COP1: variants seen among roughly 807,000 people sequenced by gnomAD.
COP1 encodes the protein E3 ubiquitin-protein ligase COP1.
Under a neutral mutation model 101.3 loss-of-function variants are expected in COP1, and 24 were observed. The observed-to-expected ratio is 0.24, with a 90% CI of 0.17 to 0.33. COP1 has a LOEUF of 0.33. COP1 is among the 10% of genes least tolerant of loss of function. The probability of loss-of-function intolerance (pLI) is 1.00; values close to 1 mark genes in which losing one functional copy is unlikely to be tolerated. For synonymous variants in COP1, 347 were observed against 341.9 expected (o/e 1.01, Z -0.17); for missense variants, 663 against 906.2 (o/e 0.73, Z 3.45).
chr1:176,191,947 A>G (rs762184616), intron 1 of COP1, among the ~76,000 whole-genome samples: 3 of 152,098 alleles, frequency 2.0e-5, no homozygotes, highest in Non-Finnish European at 4.4e-5. Context: ...ACAATAAAAT[A>G]TTTTTTAAAT....
intron 11 of COP1, among the ~76,000 whole-genome samples, chr1:176,075,392 G>A (rs773630337): frequency 9.2e-5 from 14 of 152,148 alleles, no homozygotes; most frequent in Non-Finnish European, 2.1e-4. Flanking sequence ...TAAATGAAAA[G>A]CATGTTAAGT....
intron 3 of COP1, among the ~76,000 whole-genome samples, chr1:176,164,506 T>A (rs1475489727): frequency 6.6e-6 from 1 of 152,132 alleles, no homozygotes; most frequent in East Asian, 1.9e-4. Flanking sequence ...TGGGGTTAAG[T>A]ACGTAACCCA....
intron 7 of COP1, 120 bp from the exon 8 acceptor site, chr1:176,135,206 T>C (rs375688154): frequency 1.2e-5 from 7 of 590,036 alleles, no homozygotes; most frequent in African/African-American, 1.1e-4. Context: ...TTTGTCTCAA[T>C]ATCAAATTTC....
intron 8 of COP1, among the ~76,000 whole-genome samples, chr1:176,122,202 G>A (rs1687257228): frequency 6.6e-6 from 1 of 150,618 alleles, no homozygotes; most frequent in African/African-American, 2.4e-5. Context: ...TCAAAACTCT[G>A]AAAATCAAAT....
intron 5 of COP1, among the ~76,000 whole-genome samples, chr1:176,153,878 T>C (rs61451700): frequency 0.053 from 8,103 of 152,332 alleles, 469 homozygotes; most frequent in Middle Eastern, 0.14. Flanking sequence ...GTTCCATTCG[T>C]GTGATAAATC....
intron 15 of COP1, among the ~76,000 whole-genome samples, chr1:176,005,609 A>T (rs1021675855): frequency 1.4e-4 from 22 of 152,236 alleles, no homozygotes; most frequent in African/African-American, 3.9e-4. Flanking sequence ...TTCGTTATGT[A>T]CCCAGTAGTC....
intron 11 of COP1, among the ~76,000 whole-genome samples, chr1:176,078,169 A>C (rs1449334293): frequency 1.3e-5 from 2 of 152,210 alleles, no homozygotes; most frequent in East Asian, 3.8e-4. Flanking sequence ...GGAACAAAAA[A>C]AGAGCTTGAA....
intron 18 of COP1, among the ~76,000 whole-genome samples, chr1:175,949,232 T>TTGGAATAC (rs1248411816): frequency 7.6e-6 from 1 of 131,744 alleles, no homozygotes; most frequent in Non-Finnish European, 1.6e-5. Flanking sequence ...AGAATTAACT[T>TTGGAATAC]TGGAATATTA....
At chr1:176,137,212 T>A (rs1338580811) in intron 6 of COP1, among the ~76,000 whole-genome samples, 2 of 152,318 alleles carry the variant, frequency 1.3e-5, no homozygotes, top group South Asian at 4.1e-4. Flanking sequence ...CACTAATAAT[T>A]TTCCATGCCA....
intron 11 of COP1, among the ~76,000 whole-genome samples, chr1:176,077,548 G>A (rs1342410516): frequency 6.6e-6 from 1 of 151,960 alleles, no homozygotes; most frequent in Non-Finnish European, 1.5e-5. Flanking sequence ...CAACTTAATA[G>A]TGAATGGGCA....
intron 3 of COP1, among the ~76,000 whole-genome samples, chr1:176,172,959 A>C (rs1293650607): frequency 6.6e-6 from 1 of 152,230 alleles, no homozygotes; most frequent in Non-Finnish European, 1.5e-5. Context: ...AGTTGACAAC[A>C]ATATAATCCC....
chr1:176,071,671 AG>A (rs1677033639), intron 11 of COP1, among the ~76,000 whole-genome samples: 1 of 152,228 alleles, frequency 6.6e-6, no homozygotes, highest in Non-Finnish European at 1.5e-5. Context: ...CTGCCTCCTG[AG>A]GAAGGTTATT....
chr1:176,200,367 T>C (rs887963844), intron 1 of COP1, among the ~76,000 whole-genome samples: 16 of 152,222 alleles, frequency 1.1e-4, no homozygotes, highest in African/African-American at 3.6e-4. Context: ...AGTCGTAATT[T>C]TTACAAAGCC....
chr1:176,131,519 AAACT>A (rs1274465089), intron 8 of COP1, among the ~76,000 whole-genome samples: 1 of 151,896 alleles, frequency 6.6e-6, no homozygotes, highest in Admixed American at 6.6e-5. Flanking sequence ...TCATTATAGA[AAACT>A]AACAAATCTA....
chr1:175,958,320 C>T (rs1650921730), intron 18 of COP1, among the ~76,000 whole-genome samples: 1 of 151,916 alleles, frequency 6.6e-6, no homozygotes, highest in African/African-American at 2.4e-5. Flanking sequence ...GATTTCCCAA[C>T]ATAATATATA....
chr1:176,119,320 C>T (rs1009849875), intron 8 of COP1, among the ~76,000 whole-genome samples: 2 of 152,256 alleles, frequency 1.3e-5, no homozygotes, highest in South Asian at 4.1e-4. Flanking sequence ...TAGAACAGAA[C>T]ATTTCCAGCT....
intron 18 of COP1, among the ~76,000 whole-genome samples, chr1:175,969,422 T>A (rs769749770): frequency 4.6e-5 from 7 of 152,122 alleles, no homozygotes; most frequent in Non-Finnish European, 8.8e-5. Flanking sequence ...AGACTCTCAT[T>A]CCAGAGTTGC....
At chr1:176,060,731 C>T (rs1674693995) in intron 11 of COP1, among the ~76,000 whole-genome samples, 1 of 152,162 alleles carries the variant, frequency 6.6e-6, no homozygotes, top group South Asian at 2.1e-4. Context: ...CAAGGACTAA[C>T]GTGGAGCAAA....
chr1:176,136,490 C>T lies in COP1; in HGVS notation c.889G>A (p.Glu297Lys), dbSNP rs375157865. Residue 297 changes from glutamate (E) to lysine (K), a missense_variant and splice_region_variant, in exon 7 of 20, where the codon GAA becomes AAA. Coordinates refer to ENST00000367669, the MANE Select transcript of COP1 (RefSeq NM_022457.7). ...SVLEEDIKRV[E>K]EMSGLYSPVS... Reference sequence around the variant, plus strand: ...GTGAGAAATTCTTGATTCCTTACTTCCACTCTCTTAATATCCTCTTCCAAA... The same window carrying T: ...GTGAGAAATTCTTGATTCCTTACTTTCACTCTCTTAATATCCTCTTCCAAA... The T allele has an allele frequency of 6.3e-7, 1 of 1,594,496 alleles. No homozygotes were observed. The highest frequency in any genetic ancestry group is 8.6e-7 in the Non-Finnish European group (1 of 1,166,076).
Sources: allele counts gnomAD v4.1 joint callset (sites outside exome capture counted in the v4.1 genomes callset), GRCh38; gene constraint gnomAD v4.1.1; transcripts MANE v1.5; gene names NCBI Gene and HGNC (gene_info 2026-07-23, HGNC 2026-07-21).